NLGN1: variants seen among roughly 807,000 people sequenced by gnomAD.
NLGN1 encodes neuroligin 1.
A neutral mutation model predicts 65.5 loss-of-function variants in NLGN1; 12 were observed. The observed-to-expected ratio is 0.18, with a 90% confidence interval of 0.12 to 0.30. The LOEUF (loss-of-function observed/expected upper bound fraction) is 0.30, where lower values mean the gene tolerates loss of function less well. Among genes scored for constraint, NLGN1 ranks in the 10% least tolerant of loss-of-function variants. NLGN1 has a pLI of 1.00. For synonymous variants in NLGN1, 350 were observed against 359.5 expected (o/e 0.97, Z 0.30); for missense variants, 750 against 1,007.1 (o/e 0.74, Z 3.46).
chr3:174,025,680 A>G (rs1728691680), intron 4 of NLGN1, among the ~76,000 whole-genome samples: 1 of 152,216 alleles, frequency 6.6e-6, no homozygotes, highest in Non-Finnish European at 1.5e-5. Context: ...AATCAGATGG[A>G]CAAAAATTAG....
At chr3:174,195,814 G>A (rs969023413) in intron 4 of NLGN1, among the ~76,000 whole-genome samples, 1 of 152,104 alleles carries the variant, frequency 6.6e-6, no homozygotes, top group African/African-American at 2.4e-5. Context: ...TTCTTCAGGG[G>A]AAATTAAGTA....
In NLGN1 at chr3:173,938,707, C is replaced by A. The variant is rs951220343; in HGVS notation, c.646+130875C>A. 3.3e-5 allele frequency among the ~76,000 whole-genome samples: 5 copies of A among 152,100 alleles called. No individual in the cohort carries two copies. The East Asian group carries it at 7.7e-4, about 23-fold the overall frequency. ...CTATAGCTTGACAAGAGGACTAGAA[C>A]AAACACCCTCCAGATTAGAGGAGGC... On this transcript the variant is annotated intron_variant, in intron 4 of 6. Coordinates refer to ENST00000457714, the Ensembl canonical transcript of NLGN1.
At chr3:174,281,267 T>TCCCCAC (rs780435903) in exon 7 of NLGN1, 2 of 1,596,422 alleles carry the variant, frequency 1.3e-6, no homozygotes, top group African/African-American at 1.3e-5. Flanking sequence ...CCCATCCCCA[T>TCCCCAC]CCCCACCCCC....
Position 174,279,506 on chromosome 3 carries a change from A to T in NLGN1, c.1505A>T (p.Asp502Val). Residue 502 changes from aspartate (D) to valine (V), a missense_variant, in exon 6 of 7, where the codon GAT becomes GTT. Physicochemically the swap from Asp to Val is radical, Grantham distance 152. Coordinates refer to ENST00000457714, the Ensembl canonical transcript of NLGN1. The surrounding 1 kb of genome is among the most constrained non-coding windows in gnomAD (Gnocchi z 4.7). ...ACAGATCAGGTTCCAGCTTGGGCTG[A>T]TGCAGCCCACGGAGACGAGGTTCCC... 6.2e-7 allele frequency: 1 copy of T among 1,613,092 alleles called. No homozygotes were observed. The highest frequency in any genetic ancestry group is 8.5e-7 in the Non-Finnish European group (1 of 1,179,464).
At chr3:173,832,889 T>C (rs940143944) in intron 4 of NLGN1, among the ~76,000 whole-genome samples, 2 of 152,306 alleles carry the variant, frequency 1.3e-5, no homozygotes, top group Admixed American at 6.5e-5. Context: ...CACAAATAAG[T>C]CTTGTTAATT....
chr3:173,508,217 A>G (rs369638307), intron 2 of NLGN1, among the ~76,000 whole-genome samples: 4 of 152,020 alleles, frequency 2.6e-5, no homozygotes, highest in African/African-American at 9.7e-5. Context: ...TTGGTTCATA[A>G]TGTTAGTGTT....
intron 3 of NLGN1, among the ~76,000 whole-genome samples, chr3:173,647,411 C>G (rs1758447077): frequency 6.6e-6 from 1 of 152,036 alleles, no homozygotes; most frequent in Admixed American, 6.5e-5. Flanking sequence ...CAAGCATGCA[C>G]AGAACTTTTA....
intron 4 of NLGN1, among the ~76,000 whole-genome samples, chr3:174,241,002 T>C (rs1742699482): frequency 6.6e-6 from 1 of 152,188 alleles, no homozygotes; most frequent in Non-Finnish European, 1.5e-5. Flanking sequence ...AGATGGCCTC[T>C]TGTAACTTAC....
intron 2 of NLGN1, among the ~76,000 whole-genome samples, chr3:173,488,562 G>C (rs753265589): frequency 5.9e-5 from 9 of 151,978 alleles, no homozygotes; most frequent in Admixed American, 4.6e-4. Context: ...AAACTTTTAG[G>C]GTAACCACTA....
intron 4 of NLGN1, among the ~76,000 whole-genome samples, chr3:174,126,162 A>G (rs1197620186): frequency 6.6e-6 from 1 of 152,020 alleles, no homozygotes; most frequent in African/African-American, 2.4e-5. Flanking sequence ...CCCTTTCTTG[A>G]ACTGGATTTG....
At chr3:173,414,647 C>T (rs566403436) in intron 1 of NLGN1, among the ~76,000 whole-genome samples, 2 of 150,634 alleles carry the variant, frequency 1.3e-5, no homozygotes, top group Non-Finnish European at 2.9e-5. Context: ...AGGAAGGGAT[C>T]TACAGCAATG....
chr3:174,282,629 ACT>A (rs779954845), exon 7 of NLGN1: 3 of 151,986 alleles, frequency 2.0e-5, no homozygotes, highest in African/African-American at 7.3e-5. Context: ...ACCACAGGAA[ACT>A]CTTCATCCCC....
chr3:174,218,326 C>T (rs2216469), intron 4 of NLGN1, among the ~76,000 whole-genome samples: 149,905 of 150,840 alleles, frequency 0.99, 74,491 homozygotes, highest in East Asian at 1. Flanking sequence ...TTTTTTTTTT[C>T]CAGTATTGCT....
In NLGN1 at chr3:174,253,050, G is replaced by A. The variant is rs189229061; in HGVS notation, c.647-22265G>A. Among the ~76,000 whole-genome samples, 12 of 152,138 alleles carry A rather than the reference G, an allele frequency of 7.9e-5. No homozygotes were observed. In the East Asian group the frequency reaches 2.3e-3, roughly 29 times the overall value. Reference sequence around the variant, plus strand: ...TTATCTGATTCTCTAAGAGAACGAGGGCTTATTTCTAACAGAGGGAAAATA... The same window carrying A: ...TTATCTGATTCTCTAAGAGAACGAGAGCTTATTTCTAACAGAGGGAAAATA... On this transcript the variant is annotated intron_variant, in intron 4 of 6. Coordinates refer to ENST00000457714, the Ensembl canonical transcript of NLGN1.
intron 4 of NLGN1, among the ~76,000 whole-genome samples, chr3:173,901,071 C>A (rs927047588): frequency 6.6e-6 from 1 of 151,966 alleles, no homozygotes; most frequent in East Asian, 1.9e-4. Context: ...TTTTGATCAT[C>A]TAATTTAAAT....
chr3:174,207,505 GAT>G (rs1193079754), intron 4 of NLGN1, among the ~76,000 whole-genome samples: 1 of 152,166 alleles, frequency 6.6e-6, no homozygotes, highest in Non-Finnish European at 1.5e-5. Context: ...CAAAGAAATT[GAT>G]TCATGTCATA....
intron 4 of NLGN1, among the ~76,000 whole-genome samples, chr3:173,851,972 CAG>C (rs1727018984): frequency 6.6e-6 from 1 of 151,220 alleles, no homozygotes; most frequent in South Asian, 2.1e-4. Context: ...TATGGAAAAT[CAG>C]AGTGTTTCCT....
rs3979635 is a variant in NLGN1, at chr3:173,788,833, TAAAAAAAAAAAAAAAA to T, written c.494-18833_494-18818del. Among the ~76,000 whole-genome samples the T allele has an allele frequency of 2.0e-3, 109 of 53,536 alleles. 2 individuals are homozygous for T. In the South Asian group the frequency reaches 0.023, roughly 11 times the overall value. The allele number at this position is 53,536 out of a possible 152,430, so 35.1% of individuals were successfully genotyped here. On this transcript the variant is annotated intron_variant, in intron 3 of 6. Coordinates refer to ENST00000457714, the Ensembl canonical transcript of NLGN1. ...CTGGGTTACACAGCAAGACCTCATT[TAAAAAAAAAAAAAAAA>T]AAAAAAAAAAAAAGACCTGATTCCA...
chr3:173,984,024 G>T (rs1196996822), intron 4 of NLGN1, among the ~76,000 whole-genome samples: 1 of 152,188 alleles, frequency 6.6e-6, no homozygotes, highest in Non-Finnish European at 1.5e-5. Flanking sequence ...CACAGGGCTA[G>T]AGGATGTCTC....
Sources: allele counts gnomAD v4.1 joint callset (sites outside exome capture counted in the v4.1 genomes callset), GRCh38; gene constraint gnomAD v4.1.1; non-coding constraint Gnocchi (gnomAD v3.1); transcripts MANE v1.5; gene names NCBI Gene and HGNC (gene_info 2026-07-23, HGNC 2026-07-21).